Variants in KCNC1 observed in about 807,000 individuals in gnomAD.
KCNC1 encodes the protein potassium voltage-gated channel subfamily C member 1.
Under a neutral mutation model 43.4 loss-of-function variants are expected in KCNC1, and 8 were observed. That is an observed-to-expected ratio of 0.18 (90% confidence interval 0.11 to 0.33). KCNC1 has a LOEUF of 0.33. Ranked by LOEUF, KCNC1 falls within the 10% of genes least tolerant of loss-of-function variation. KCNC1 has a pLI of 1.00. For synonymous variants in KCNC1, 361 were observed against 360.5 expected (o/e 1.00, Z -0.01); for missense variants, 420 against 836.0 (o/e 0.50, Z 6.14).
intron 1 of KCNC1, among the ~76,000 whole-genome samples, chr11:17,759,225 T>C (rs1849051684): frequency 6.6e-6 from 1 of 152,254 alleles, no homozygotes; most frequent in South Asian, 2.1e-4. Context: ...TTTAAACTTT[T>C]CTTCTGCAGC....
chr11:17,771,568 C>T lies in KCNC1; in HGVS notation c.571-97C>T. 1 of 1,042,688 alleles carries T rather than the reference C, an allele frequency of 9.6e-7. No individual in the cohort carries two copies. Among genetic ancestry groups the T allele is most frequent in the Non-Finnish European group, 1.4e-6 (1 of 707,332 alleles). 64.6% of individuals were successfully genotyped at this position (1,042,688 alleles called of 1,614,324 possible). A position where few individuals can be genotyped will look rare whatever the true frequency, so the allele number is the denominator to read the frequency against. The stretch of plus-strand genomic sequence containing the variant: ...CGTGCTGCAGGGGGCCTGGTGCTGG[C>T]ATCTCCCCCCGCCTGGCCCTGGGAC... On this transcript the variant is annotated intron_variant, in intron 1 of 3. Coordinates refer to ENST00000265969, the MANE Select transcript of KCNC1 (RefSeq NM_001112741.2). This position sits in a 1 kb window ranked among gnomAD's most constrained non-coding sequence, Gnocchi z 4.7.
chr11:17,746,412 A>G (rs907441095), intron 1 of KCNC1, among the ~76,000 whole-genome samples: 2 of 152,174 alleles, frequency 1.3e-5, no homozygotes, highest in Non-Finnish European at 2.9e-5. Flanking sequence ...AAGATGCACA[A>G]GTTCCTACGT....
chr11:17,743,094 T>A (rs1248315846), intron 1 of KCNC1, among the ~76,000 whole-genome samples: 1 of 152,238 alleles, frequency 6.6e-6, no homozygotes, highest in Non-Finnish European at 1.5e-5. Context: ...CTTAAGGACT[T>A]GATTTATATA....
intron 2 of KCNC1, among the ~76,000 whole-genome samples, chr11:17,778,555 A>C (rs547691742): frequency 6.6e-6 from 1 of 152,248 alleles, no homozygotes; most frequent in Non-Finnish European, 1.5e-5. Context: ...TGGGGACAGC[A>C]TGGAGTGGAA....
At position 17,742,979 on chromosome 11, in the gene KCNC1, T is replaced by C. The variant is rs1848858750; in HGVS notation, c.570+6407T>C. On this transcript the variant is annotated intron_variant, in intron 1 of 3. Transcript: ENST00000265969. The surrounding 1 kb of genome is among the most constrained non-coding windows in gnomAD (Gnocchi z 4.2). ...GGACACGGCACAGCTGATTGAGACCTTCTCACGTCAGCCAACCCAGACTTG... is the reference window on the plus strand; with the variant it reads ...GGACACGGCACAGCTGATTGAGACCCTCTCACGTCAGCCAACCCAGACTTG... 6.6e-6 allele frequency among the ~76,000 whole-genome samples: 1 copy of C among 152,216 alleles called. No individual in the cohort carries two copies. Among genetic ancestry groups the C allele is most frequent in the South Asian group, 2.1e-4 (1 of 4,826 alleles).
chr11:17,779,790 C>A lies in KCNC1; in HGVS notation c.1693+146C>A. ...GATGGAGGGAATCTCCCAGGGTCGG[C>A]CCCTGGAGGGCTGAGGCCCTTCCCC... is the stretch of plus-strand genomic sequence containing the variant. On this transcript the variant is annotated intron_variant, in intron 3 of 3. Coordinates refer to ENST00000265969, the MANE Select transcript of KCNC1 (RefSeq NM_001112741.2). This position sits in a 1 kb window ranked among gnomAD's most constrained non-coding sequence, Gnocchi z 7.2. 1.6e-6 allele frequency: 1 copy of A among 626,206 alleles called. No homozygotes were observed. Among genetic ancestry groups the A allele is most frequent in the Non-Finnish European group, 2.5e-6 (1 of 399,366 alleles). 38.8% of individuals were successfully genotyped at this position (626,206 alleles called of 1,614,324 possible).
At position 17,777,631 on chromosome 11, in the gene KCNC1, TCAGAGTTACCTTGGCAA is replaced by T. The variant is rs1313797596; in HGVS notation, c.1505-1823_1505-1807del. The T allele has an allele frequency of 2.0e-6, 2 of 985,728 alleles. No homozygotes were observed. Among genetic ancestry groups the T allele is most frequent in the Admixed American group, 6.1e-5 (1 of 16,264 alleles). The allele number at this position is 985,728 out of a possible 1,614,324, so 61.1% of individuals were successfully genotyped here. ...ACGCCCCGGCCCCAGTCACATGGTG[TCAGAGTTACCTTGGCAA>T]CTGGCCTTTTTGGTTCAGAGTAAAT... On this transcript the variant is annotated intron_variant, in intron 2 of 3. Transcript: ENST00000265969. This position sits in a 1 kb window ranked among gnomAD's most constrained non-coding sequence, Gnocchi z 4.3.
At chr11:17,774,133 C>A in intron 2 of KCNC1, 1 of 985,620 alleles carries the variant, frequency 1.0e-6, no homozygotes, top group Non-Finnish European at 1.2e-6. Flanking sequence ...ATACCCTTCC[C>A]TTCCTGGGAT....
intron 1 of KCNC1, among the ~76,000 whole-genome samples, chr11:17,747,586 G>A (rs1304783203): frequency 6.6e-6 from 1 of 152,182 alleles, no homozygotes; most frequent in African/African-American, 2.4e-5. Flanking sequence ...GCCCATGGGC[G>A]GTGCCCACTC....
rs1459539487 is a variant in KCNC1, at chr11:17,774,629, C to T, written c.1504+2031C>T. 3 of 985,490 alleles carry T rather than the reference C, an allele frequency of 3.0e-6. No individual in the cohort carries two copies. The African/African-American group carries it at 5.2e-5, about 17-fold the overall frequency. 61.0% of individuals were successfully genotyped at this position (985,490 alleles called of 1,614,324 possible). ...CCTGTGGGATTGCCCCTGAGCTCCA[C>T]AGTCTCTCCCCAGCCCTGCTTTTGA... On this transcript the variant is annotated intron_variant, in intron 2 of 3. Transcript: ENST00000265969.
intron 1 of KCNC1, among the ~76,000 whole-genome samples, chr11:17,764,401 A>G (rs374676568): frequency 3.9e-4 from 60 of 152,206 alleles, no homozygotes; most frequent in African/African-American, 1.4e-3. Context: ...ATATCTGTCC[A>G]TGCACACACA....
chr11:17,748,726 C>G (rs969683480), intron 1 of KCNC1, among the ~76,000 whole-genome samples: 1 of 152,036 alleles, frequency 6.6e-6, no homozygotes, highest in African/African-American at 2.4e-5. Flanking sequence ...CCCATGGGTT[C>G]CCTGAGTGTT....
intron 1 of KCNC1, among the ~76,000 whole-genome samples, chr11:17,756,113 TTC>T (rs1310093065): frequency 1.3e-5 from 2 of 152,158 alleles, no homozygotes; most frequent in African/African-American, 4.8e-5. Flanking sequence ...AGCGCTCCCC[TTC>T]TCTCTGCCTA....
intron 1 of KCNC1, among the ~76,000 whole-genome samples, chr11:17,761,453 G>A (rs770131938): frequency 1.3e-5 from 2 of 152,242 alleles, no homozygotes; most frequent in African/African-American, 2.4e-5. Flanking sequence ...TTGGGGTTTT[G>A]CCCTGGATCT....
In KCNC1 at chr11:17,781,319, C is replaced by CCGTATCAT; in HGVS notation, c.1694-351_1694-350insCGTATCAT. 1 of 242,762 alleles carries CCGTATCAT rather than the reference C, an allele frequency of 4.1e-6. No individual in the cohort carries two copies. The highest frequency in any genetic ancestry group is 8.0e-6 in the Non-Finnish European group (1 of 125,698). The allele number at this position is 242,762 out of a possible 1,614,324, so 15.0% of individuals were successfully genotyped here. A position where few individuals can be genotyped will look rare whatever the true frequency, so the allele number is the denominator to read the frequency against. On this transcript the variant is annotated intron_variant, in intron 3 of 3. Coordinates refer to ENST00000265969, the MANE Select transcript of KCNC1 (RefSeq NM_001112741.2). The surrounding 1 kb of genome is among the most constrained non-coding windows in gnomAD (Gnocchi z 5.1). ...TAGGTGCCAGAGTCTTTGGGAGGCG[C>CCGTATCAT]TAAGGGTGAAGTGTCCCCACCTACA...
In KCNC1 at chr11:17,749,712, G is replaced by A. The variant is rs559928293; in HGVS notation, c.570+13140G>A. Among the ~76,000 whole-genome samples, 41 of 152,324 alleles carry A rather than the reference G, an allele frequency of 2.7e-4. No individual in the cohort carries two copies. In the South Asian group the frequency reaches 5.2e-3, roughly 19 times the overall value. On this transcript the variant is annotated intron_variant, in intron 1 of 3. Coordinates refer to ENST00000265969, the MANE Select transcript of KCNC1 (RefSeq NM_001112741.2). ...AGAGGGCTGGGCCCTGTAAACCCACGTGTGTGGCTGTCATCTGCTGAGGGT... is the reference window on the plus strand; with the variant it reads ...AGAGGGCTGGGCCCTGTAAACCCACATGTGTGGCTGTCATCTGCTGAGGGT...
intron 1 of KCNC1, among the ~76,000 whole-genome samples, chr11:17,749,543 G>C (rs887558908): frequency 6.6e-6 from 1 of 152,154 alleles, no homozygotes; most frequent in Non-Finnish European, 1.5e-5. Flanking sequence ...ACACACCTCA[G>C]GCCACAGCCA....
At chr11:17,778,710 G>A (rs1849313268) in intron 2 of KCNC1, among the ~76,000 whole-genome samples, 2 of 152,286 alleles carry the variant, frequency 1.3e-5, no homozygotes, top group East Asian at 1.9e-4. Flanking sequence ...GGTCTGTATG[G>A]GGGGTCGGGG....
intron 2 of KCNC1, among the ~76,000 whole-genome samples, chr11:17,778,262 G>A (rs1849307011): frequency 6.6e-6 from 1 of 152,208 alleles, no homozygotes; most frequent in Non-Finnish European, 1.5e-5. Flanking sequence ...CGAGATCGCA[G>A]AGAGACAGAG....
Sources: allele counts gnomAD v4.1 joint callset (sites outside exome capture counted in the v4.1 genomes callset), GRCh38; gene constraint gnomAD v4.1.1; non-coding constraint Gnocchi (gnomAD v3.1); transcripts MANE v1.5; gene names NCBI Gene and HGNC (gene_info 2026-07-23, HGNC 2026-07-21).